The following KIFAP3 variants were observed in gnomAD, a reference collection of about 807,000 sequenced individuals.
KIFAP3 encodes kinesin-associated protein 3.
In KIFAP3, 68 loss-of-function variants were observed where a neutral mutation model predicts 106.5. That is an observed-to-expected ratio of 0.64 (90% confidence interval 0.53 to 0.78). The LOEUF is 0.78. KIFAP3 is among the 30% of genes least tolerant of loss of function. The probability of loss-of-function intolerance (pLI) is 0.00; values close to 1 mark genes in which losing one functional copy is unlikely to be tolerated. For synonymous variants in KIFAP3, 320 were observed against 311.5 expected, an observed-to-expected ratio of 1.03 and a Z score of -0.29; for missense variants, 780 against 941.8, an observed-to-expected ratio of 0.83 and a Z score of 2.25.
chr1:169,992,260 G>T lies in KIFAP3; in HGVS notation c.1184-5C>A. 6.7e-7 allele frequency: 1 copy of T among 1,491,820 alleles called. No individual in the cohort carries two copies. Among genetic ancestry groups the T allele is most frequent in the Non-Finnish European group, 9.1e-7 (1 of 1,097,152 alleles). The allele number at this position is 1,491,820 out of a possible 1,614,324, so 92.4% of individuals were successfully genotyped here. A position where few individuals can be genotyped will look rare whatever the true frequency, so the allele number is the denominator to read the frequency against. On this transcript the variant is annotated splice_polypyrimidine_tract_variant and splice_region_variant and intron_variant, in intron 10 of 19. Coordinates refer to ENST00000361580, the MANE Select transcript of KIFAP3 (RefSeq NM_014970.4). ...TTTGTTTGTAGTTGTCATTGCCTAGGAATAAAACATCATGGTGATGATGCT... is the reference window on the plus strand; with the variant it reads ...TTTGTTTGTAGTTGTCATTGCCTAGTAATAAAACATCATGGTGATGATGCT...
intron 19 of KIFAP3, among the ~76,000 whole-genome samples, chr1:169,930,739 C>A (rs1490608594): frequency 6.6e-6 from 1 of 152,056 alleles, no homozygotes; most frequent in African/African-American, 2.4e-5. Context: ...GTTCAATATT[C>A]CGGTTGGTGT....
chr1:169,987,631 C>T (rs1666895878), intron 11 of KIFAP3, among the ~76,000 whole-genome samples: 2 of 151,984 alleles, frequency 1.3e-5, no homozygotes, highest in South Asian at 2.1e-4. Context: ...TCAGAAAGGA[C>T]GTTTACCAGC....
At chr1:170,069,021 C>T (rs780040071) in intron 1 of KIFAP3, 1 of 151,986 alleles carries the variant, frequency 6.6e-6, no homozygotes, top group Non-Finnish European at 1.5e-5. Flanking sequence ...ACTCAAATTA[C>T]TAAAATCAGA....
At chr1:170,041,597 G>A (rs1408076473) in intron 3 of KIFAP3, 10 of 1,113,298 alleles carry the variant, frequency 9.0e-6, no homozygotes, top group Non-Finnish European at 1.3e-5. Flanking sequence ...GAGGCCCGGA[G>A]ATGAGTCCAA....
At chr1:169,969,968 C>T (rs1247379207) in intron 17 of KIFAP3, among the ~76,000 whole-genome samples, 1 of 151,874 alleles carries the variant, frequency 6.6e-6, no homozygotes, top group East Asian at 1.9e-4. Context: ...TCTGACAAAC[C>T]AGAAATATCA....
intron 2 of KIFAP3, among the ~76,000 whole-genome samples, chr1:170,048,384 A>G (rs544131734): frequency 6.6e-6 from 1 of 151,550 alleles, no homozygotes. Flanking sequence ...CAGAAGGCAT[A>G]GAGAGAAAGG....
chr1:169,959,774 TA>T (rs1482915642), intron 18 of KIFAP3, among the ~76,000 whole-genome samples: 5 of 152,092 alleles, frequency 3.3e-5, no homozygotes, highest in South Asian at 2.1e-4. Flanking sequence ...TGATTTCTAT[TA>T]AAAAAATTCA....
rs1437065847 is a variant in KIFAP3, at chr1:169,982,690, C to T, written c.1672+12G>A. On this transcript the variant is annotated intron_variant, in intron 14 of 19. Coordinates refer to ENST00000361580, the MANE Select transcript of KIFAP3 (RefSeq NM_014970.4). ...TTAGTGATTATACAAAAGTGAAATA[C>T]TTAGCACAAACCTGGTTTTAGTTTA... The T allele has an allele frequency of 6.6e-7, 1 of 1,524,556 alleles. No individual in the cohort carries two copies. The highest frequency in any genetic ancestry group is 8.9e-7 in the Non-Finnish European group (1 of 1,125,652). The allele number at this position is 1,524,556 out of a possible 1,614,324, so 94.4% of individuals were successfully genotyped here.
intron 15 of KIFAP3, among the ~76,000 whole-genome samples, chr1:169,980,368 T>C (rs1571599327): frequency 6.6e-6 from 1 of 152,174 alleles, no homozygotes; most frequent in Non-Finnish European, 1.5e-5. Flanking sequence ...TTAACTTCTA[T>C]ACTATTCGCT....
chr1:169,976,850 T>C (rs975035287), intron 16 of KIFAP3, among the ~76,000 whole-genome samples: 6 of 152,130 alleles, frequency 3.9e-5, no homozygotes, highest in Non-Finnish European at 8.8e-5. Flanking sequence ...CCCGAGTAGC[T>C]GGGACTACAG....
intron 6 of KIFAP3, 35 bp from the exon 7 acceptor site, chr1:170,034,531 A>T: frequency 8.4e-7 from 1 of 1,188,416 alleles, no homozygotes; most frequent in Non-Finnish European, 1.2e-6. Flanking sequence ...TATTTAAAAG[A>T]ATACATTTTA....
At chr1:170,063,178 A>C (rs1671272792) in intron 1 of KIFAP3, among the ~76,000 whole-genome samples, 1 of 152,126 alleles carries the variant, frequency 6.6e-6, no homozygotes, top group African/African-American at 2.4e-5. Flanking sequence ...ATTGTTCCCT[A>C]GTTTGCCTTT....
upstream of KIFAP3, among the ~76,000 whole-genome samples, chr1:170,076,972 G>A (rs1159334221): frequency 1.3e-5 from 2 of 152,204 alleles, no homozygotes; most frequent in East Asian, 1.9e-4. Context: ...TGGGGACTTG[G>A]AGAACTTTTC....
chr1:169,956,349 T>A (rs749868893), intron 18 of KIFAP3, among the ~76,000 whole-genome samples: 42 of 152,142 alleles, frequency 2.8e-4, no homozygotes, highest in Non-Finnish European at 5.0e-4. Context: ...AGGTAGAAAT[T>A]AAGTAAAAAT....
chr1:169,937,721 C>T (rs1663886850), intron 19 of KIFAP3, among the ~76,000 whole-genome samples: 1 of 151,784 alleles, frequency 6.6e-6, no homozygotes, highest in Non-Finnish European at 1.5e-5. Flanking sequence ...ACTTTAAGAT[C>T]CTCTAAAGTC....
intron 19 of KIFAP3, among the ~76,000 whole-genome samples, chr1:169,945,111 C>T (rs376693804): frequency 1.8e-4 from 26 of 147,482 alleles, no homozygotes; most frequent in African/African-American, 6.3e-4. Context: ...CTTGTAGGTG[C>T]CCAAAGCTTC....
chr1:169,934,198 G>T (rs528798879), intron 19 of KIFAP3, among the ~76,000 whole-genome samples: 31 of 152,118 alleles, frequency 2.0e-4, no homozygotes, highest in African/African-American at 4.8e-4. Flanking sequence ...CCTTTATAGG[G>T]CTCCTACATA....
intron 18 of KIFAP3, among the ~76,000 whole-genome samples, chr1:169,956,972 C>T (rs1450373989): frequency 6.6e-6 from 1 of 152,124 alleles, no homozygotes; most frequent in Non-Finnish European, 1.5e-5. Flanking sequence ...TATGGCTTGA[C>T]AAAAGTTAGG....
intron 17 of KIFAP3, among the ~76,000 whole-genome samples, 198 bp from the exon 18 acceptor site, chr1:169,961,433 T>A (rs1665325433): frequency 6.6e-6 from 1 of 152,166 alleles, no homozygotes; most frequent in Non-Finnish European, 1.5e-5. Flanking sequence ...GTTTGTATTA[T>A]CGATCACTAA....
Sources: allele counts gnomAD v4.1 joint callset (sites outside exome capture counted in the v4.1 genomes callset), GRCh38; gene constraint gnomAD v4.1.1; transcripts MANE v1.5; gene names NCBI Gene and HGNC (gene_info 2026-07-23, HGNC 2026-07-21).